Variants in TNIK observed in about 807,000 individuals in gnomAD.
The protein encoded by TNIK is TRAF2 and NCK interacting kinase, also known as TRAF2 and NCK-interacting protein kinase.
TNIK carries 49 observed loss-of-function variants against 191.3 expected under a neutral mutation model. That is an observed-to-expected ratio of 0.26 (90% CI 0.20 to 0.32). The LOEUF (loss-of-function observed/expected upper bound fraction) is 0.32. Among genes scored for constraint, TNIK ranks in the 10% least tolerant of loss-of-function variants. TNIK has a pLI of 1.00. For missense variants in TNIK, 1,155 were observed against 1,702.3 expected, an observed-to-expected ratio of 0.68 and a Z score of 5.66; for synonymous variants, 594 against 600.9, an observed-to-expected ratio of 0.99 and a Z score of 0.17.
chr3:171,379,625 G>A (rs1717741243), intron 1 of TNIK, among the ~76,000 whole-genome samples: 1 of 152,174 alleles, frequency 6.6e-6, no homozygotes, highest in Non-Finnish European at 1.5e-5. Flanking sequence ...ACTCTTCAGG[G>A]TACTAAGCCA....
chr3:171,307,860 C>T (rs1161225747), intron 2 of TNIK, among the ~76,000 whole-genome samples: 3 of 152,044 alleles, frequency 2.0e-5, no homozygotes, highest in Non-Finnish European at 2.9e-5. Context: ...TCATTCTTCA[C>T]AATTGTACAG....
chr3:171,121,217 A>C (rs1449934263), intron 18 of TNIK, among the ~76,000 whole-genome samples: 2 of 152,214 alleles, frequency 1.3e-5, no homozygotes, highest in Non-Finnish European at 2.9e-5. Flanking sequence ...AACACCTTTT[A>C]AAGTGGCTTT....
At chr3:171,275,897 AAAAT>A (rs71176599) in intron 2 of TNIK, among the ~76,000 whole-genome samples, 9 of 150,042 alleles carry the variant, frequency 6.0e-5, no homozygotes, top group Non-Finnish European at 8.9e-5. Flanking sequence ...ACTCCGTCTC[AAAAT>A]AAATAAATAA....
At chr3:171,295,237 G>A (rs1032789302) in intron 2 of TNIK, among the ~76,000 whole-genome samples, 11 of 152,172 alleles carry the variant, frequency 7.2e-5, no homozygotes, top group African/African-American at 2.7e-4. Context: ...AAGATTTGGG[G>A]AACTATGCAC....
In TNIK at chr3:171,309,045, C is replaced by A. The variant is rs577508936; in HGVS notation, c.123+60575G>T. 2.0e-5 allele frequency among the ~76,000 whole-genome samples: 3 copies of A among 152,218 alleles called. No homozygotes were observed. The South Asian group carries it at 6.2e-4, about 32-fold the overall frequency. On this transcript the variant is annotated intron_variant, in intron 2 of 32. Transcript: ENST00000436636. Reference sequence around the variant, plus strand: ...CCATTTTGAACCAGCAATCCCATTACAGCATATATACCCAAAGGAATATAA... The same window carrying A: ...CCATTTTGAACCAGCAATCCCATTAAAGCATATATACCCAAAGGAATATAA...
chr3:171,072,749 A>G (rs929860068), intron 28 of TNIK, among the ~76,000 whole-genome samples: 16 of 152,076 alleles, frequency 1.1e-4, no homozygotes, highest in African/African-American at 3.6e-4. Context: ...ATGCACAAAA[A>G]TCAGTTACAT....
At chr3:171,143,691 C>T (rs1038634334) in intron 12 of TNIK, among the ~76,000 whole-genome samples, 6 of 152,124 alleles carry the variant, frequency 3.9e-5, no homozygotes, top group African/African-American at 1.4e-4. Flanking sequence ...GATCTCTGTT[C>T]CACTTGTTTT....
intron 1 of TNIK, among the ~76,000 whole-genome samples, chr3:171,419,279 T>C (rs1328689335): frequency 6.6e-6 from 1 of 152,164 alleles, no homozygotes; most frequent in Non-Finnish European, 1.5e-5. Context: ...ATAAATCTAC[T>C]TAGAGTAAAT....
intron 1 of TNIK, among the ~76,000 whole-genome samples, chr3:171,408,539 C>T (rs1028431188): frequency 1.1e-4 from 16 of 152,136 alleles, no homozygotes; most frequent in South Asian, 2.1e-4. Flanking sequence ...GAAAGCAGGC[C>T]GATCTGGATC....
intron 2 of TNIK, among the ~76,000 whole-genome samples, chr3:171,261,790 T>C (rs1427846950): frequency 6.6e-6 from 1 of 152,030 alleles, no homozygotes; most frequent in Admixed American, 6.6e-5. Context: ...AATAAACAAA[T>C]GCAGACCATT....
chr3:171,428,091 C>T (rs1724882549), intron 1 of TNIK, among the ~76,000 whole-genome samples: 1 of 151,898 alleles, frequency 6.6e-6, no homozygotes, highest in African/African-American at 2.4e-5. Flanking sequence ...GAGAGGGGGA[C>T]CCTGGTGGAT....
chr3:171,366,980 A>T lies in TNIK; in HGVS notation c.123+2640T>A, dbSNP rs1294318544. 1.3e-5 allele frequency among the ~76,000 whole-genome samples: 2 copies of T among 152,196 alleles called. No individual in the cohort carries two copies. Among genetic ancestry groups the T allele is most frequent in the African/African-American group, 4.8e-5 (2 of 41,444 alleles). On this transcript the variant is annotated intron_variant, in intron 2 of 32. Coordinates refer to ENST00000436636, the MANE Select transcript of TNIK (RefSeq NM_015028.4). The surrounding 1 kb of genome is among the most constrained non-coding windows in gnomAD (Gnocchi z 4.1). Reference sequence around the variant, plus strand: ...TTCTGCCATGATCGTAAATTTCCTGAGGCCTCCTCAGCCAGGCAGAACTGT... The same window carrying T: ...TTCTGCCATGATCGTAAATTTCCTGTGGCCTCCTCAGCCAGGCAGAACTGT...
rs570839433 is a variant in TNIK at position 171,300,638 on chromosome 3, C to T, written c.123+68982G>A. Among the ~76,000 whole-genome samples, 6 of 152,228 alleles carry T rather than the reference C, an allele frequency of 3.9e-5. No homozygotes were observed. The South Asian group carries it at 1.0e-3, about 26-fold the overall frequency. ...GCATATTGATGAAATATTCAAATAT[C>T]CATCATATTCCGAGGGAAATATCCT... On this transcript the variant is annotated intron_variant, in intron 2 of 32. Transcript: ENST00000436636.
rs1489373102 is a variant in TNIK at position 171,125,808 on chromosome 3, T to A, written c.2013+104A>T. ...AAACAAACATGAGAAGGGGAAGTGC[T>A]TTGGCATGATCACATTCTCCACTAC... On this transcript the variant is annotated intron_variant, in intron 17 of 32. Transcript: ENST00000436636. 5 of 1,507,912 alleles carry A rather than the reference T, an allele frequency of 3.3e-6. No homozygotes were observed. In the East Asian group the frequency reaches 1.2e-4, roughly 37 times the overall value. The allele number at this position is 1,507,912 out of a possible 1,614,324, so 93.4% of individuals were successfully genotyped here. A position where few individuals can be genotyped will look rare whatever the true frequency, so the allele number is the denominator to read the frequency against.
chr3:171,231,207 C>T (rs1454386467), intron 2 of TNIK, among the ~76,000 whole-genome samples: 1 of 152,154 alleles, frequency 6.6e-6, no homozygotes, highest in Non-Finnish European at 1.5e-5. Flanking sequence ...CGAACACAGG[C>T]AGTGGGCAGT....
intron 1 of TNIK, among the ~76,000 whole-genome samples, chr3:171,402,465 A>G (rs1442646207): frequency 6.6e-6 from 1 of 152,210 alleles, no homozygotes; most frequent in Non-Finnish European, 1.5e-5. Context: ...GCTGTGAACC[A>G]CCTGGCAGTG....
intron 2 of TNIK, among the ~76,000 whole-genome samples, chr3:171,363,381 C>T (rs777077646): frequency 3.8e-4 from 58 of 152,184 alleles, no homozygotes; most frequent in Non-Finnish European, 2.8e-4. Flanking sequence ...AATCTGATTA[C>T]GCACTTCTTA....
intron 21 of TNIK, among the ~76,000 whole-genome samples, chr3:171,105,813 A>G (rs1560118219): frequency 6.6e-6 from 1 of 152,196 alleles, no homozygotes; most frequent in East Asian, 1.9e-4. Flanking sequence ...GCACATGCAC[A>G]GCCATTTTAT....
intron 1 of TNIK, among the ~76,000 whole-genome samples, chr3:171,431,614 T>C (rs1452512043): frequency 2.6e-5 from 4 of 152,224 alleles, no homozygotes; most frequent in Non-Finnish European, 5.9e-5. Context: ...ATTAGTACAG[T>C]AACTTACTTC....
Sources: gnomAD v4.1 joint callset for allele counts (sites outside exome capture counted in the v4.1 genomes callset) on GRCh38, gnomAD v4.1.1 for gene constraint, Gnocchi (gnomAD v3.1) non-coding constraint, MANE v1.5 for transcripts, NCBI Gene and HGNC (gene_info 2026-07-23, HGNC 2026-07-21) for gene names.